Variants in FLACC1 observed in about 807,000 individuals in gnomAD.
The protein encoded by FLACC1 is flagellum associated containing coiled-coil domains 1.
In FLACC1, 66 loss-of-function variants were observed where a neutral mutation model predicts 62.8. That is an observed-to-expected ratio of 1.05 (90% CI 0.86 to 1.29). The LOEUF (loss-of-function observed/expected upper bound fraction) is 1.29. Ranked by LOEUF, FLACC1 falls within the 50% of genes most tolerant of loss-of-function variation. FLACC1 has a pLI of 0.00. For missense variants in FLACC1, 452 were observed against 489.1 expected (o/e 0.92, Z 0.71); for synonymous variants, 156 against 161.0 (o/e 0.97, Z 0.24).
At chr2:201,347,760 C>T (rs774234811) in intron 4 of FLACC1, among the ~76,000 whole-genome samples, 17 of 152,230 alleles carry the variant, frequency 1.1e-4, no homozygotes, top group Non-Finnish European at 2.4e-4. Flanking sequence ...GTGCCTGCGT[C>T]AGACCAGTAA....
chr2:201,336,934 T>A (rs985436506), intron 7 of FLACC1, among the ~76,000 whole-genome samples: 2 of 152,168 alleles, frequency 1.3e-5, no homozygotes, highest in African/African-American at 4.8e-5. Context: ...TATTCGTATG[T>A]CTTCTTTTAA....
chr2:201,351,552 T>C (rs893632724), intron 1 of FLACC1, 101 bp from the exon 2 acceptor site: 3 of 635,286 alleles, frequency 4.7e-6, no homozygotes, highest in African/African-American at 3.7e-5. Flanking sequence ...AGAACAATGG[T>C]AGATTCCAGA....
intron 9 of FLACC1, among the ~76,000 whole-genome samples, chr2:201,312,223 C>A (rs1322962358): frequency 6.6e-6 from 1 of 152,164 alleles, no homozygotes; most frequent in African/African-American, 2.4e-5. Context: ...TAAACAAGTT[C>A]AGTAAAGTTT....
chr2:201,341,050 T>C (rs1950797504), intron 7 of FLACC1, among the ~76,000 whole-genome samples: 2 of 152,236 alleles, frequency 1.3e-5, no homozygotes, highest in African/African-American at 4.8e-5. Flanking sequence ...TGATTTTTGA[T>C]AGTTTGATTA....
At chr2:201,349,900 C>G (rs1950991510) in intron 3 of FLACC1, among the ~76,000 whole-genome samples, 1 of 152,134 alleles carries the variant, frequency 6.6e-6, no homozygotes, top group African/African-American at 2.4e-5. Context: ...TTGAATCAAA[C>G]AATGCAATGA....
chr2:201,296,836 G>C (rs1382577917), intron 12 of FLACC1, among the ~76,000 whole-genome samples: 1 of 152,158 alleles, frequency 6.6e-6, no homozygotes, highest in Admixed American at 6.5e-5. Flanking sequence ...GTTTTAAGCA[G>C]AGAAGTGAAT....
chr2:201,298,955 T>C (rs546034057), intron 12 of FLACC1, among the ~76,000 whole-genome samples: 46 of 152,320 alleles, frequency 3.0e-4, no homozygotes, highest in African/African-American at 1.1e-3. Flanking sequence ...TCATTTGTGG[T>C]TTGAACCTTG....
chr2:201,360,125 G>A (rs545632362), upstream of FLACC1, among the ~76,000 whole-genome samples: 25 of 152,312 alleles, frequency 1.6e-4, no homozygotes, highest in South Asian at 5.2e-3. Context: ...AGCTTCGCCA[G>A]TTCCAAAACA....
At chr2:201,344,877 G>A (rs1950881642) in intron 5 of FLACC1, among the ~76,000 whole-genome samples, 1 of 152,170 alleles carries the variant, frequency 6.6e-6, no homozygotes, top group African/African-American at 2.4e-5. Context: ...AAGATGCTTT[G>A]ACCTCTTTGG....
At chr2:201,297,868 C>T (rs1559386517) in intron 12 of FLACC1, among the ~76,000 whole-genome samples, 1 of 152,100 alleles carries the variant, frequency 6.6e-6, no homozygotes, top group Non-Finnish European at 1.5e-5. Flanking sequence ...AATCGGGCAC[C>T]TTCTGAGAAG....
intron 9 of FLACC1, among the ~76,000 whole-genome samples, chr2:201,311,095 T>C (rs745850591): frequency 2.1e-4 from 32 of 151,238 alleles, no homozygotes; most frequent in Non-Finnish European, 4.0e-4. Context: ...CAAGAAGCAA[T>C]TGAAACCCCA....
In FLACC1 at chr2:201,289,719, T is replaced by G. The variant is rs898792053; in HGVS notation, c.1009A>C (p.Thr337Pro). The part of the protein sequence containing the change: ...LESLNTNLYY[T>P]QLELQKEKAI... The stretch of plus-strand genomic sequence containing the variant: ...ACCTCTTTCTGGAGTTCCAACTGGG[T>G]ATAGTAGAGGTTTGTGTTCAGTGAC... Residue 337 changes from threonine to proline, a missense_variant, in exon 13 of 15, where the codon ACC becomes CCC. Coordinates refer to ENST00000392257, the MANE Select transcript of FLACC1 (RefSeq NM_001127391.3). 6.2e-7 allele frequency: 1 copy of G among 1,614,084 alleles called. No individual in the cohort carries two copies. Among genetic ancestry groups the G allele is most frequent in the African/African-American group, 1.3e-5 (1 of 75,038 alleles).
chr2:201,296,208 C>T (rs550366341), intron 12 of FLACC1, among the ~76,000 whole-genome samples: 3 of 152,234 alleles, frequency 2.0e-5, no homozygotes, highest in Non-Finnish European at 2.9e-5. Context: ...AAGACACATG[C>T]ACACGTATGT....
chr2:201,339,473 T>C lies in FLACC1; in HGVS notation c.524+2897A>G, dbSNP rs555247691. On this transcript the variant is annotated intron_variant, in intron 7 of 14. Transcript: ENST00000392257. ...ACTAATTTTGGGCTTGGTTTTCCAA[T>C]TCCTTCAGGTGCATTATTAGATTGT... Among the ~76,000 whole-genome samples, 19 of 152,280 alleles carry C rather than the reference T, an allele frequency of 1.2e-4. No homozygotes were observed. The East Asian group carries it at 3.3e-3, about 26-fold the overall frequency.
intron 9 of FLACC1, among the ~76,000 whole-genome samples, chr2:201,325,585 C>G (rs1950486827): frequency 6.6e-6 from 1 of 151,954 alleles, no homozygotes; most frequent in Non-Finnish European, 1.5e-5. Flanking sequence ...TAGACAAATT[C>G]CTGGAAACGT....
rs564200891 is a variant in FLACC1, at chr2:201,298,167, C to T, written c.942+1071G>A. ...GTCCCACCAGGCAGAGTAGAAAATCCTTCTCATACAGAGGGTGTGGTGTCA... is the reference window on the plus strand; with the variant it reads ...GTCCCACCAGGCAGAGTAGAAAATCTTTCTCATACAGAGGGTGTGGTGTCA... On this transcript the variant is annotated intron_variant, in intron 12 of 14. Coordinates refer to ENST00000392257, the MANE Select transcript of FLACC1 (RefSeq NM_001127391.3). Among the ~76,000 whole-genome samples the T allele has an allele frequency of 2.6e-5, 4 of 152,246 alleles. No individual in the cohort carries two copies. In the East Asian group the frequency reaches 7.7e-4, roughly 29 times the overall value.
chr2:201,291,672 T>A (rs4312467), intron 12 of FLACC1, among the ~76,000 whole-genome samples: 15,861 of 152,256 alleles, frequency 0.1, 1,346 homozygotes, highest in South Asian at 0.26. Flanking sequence ...CAAAGCTGGA[T>A]GGAGAATGAC....
At chr2:201,295,872 C>T (rs1377363230) in intron 12 of FLACC1, among the ~76,000 whole-genome samples, 1 of 152,158 alleles carries the variant, frequency 6.6e-6, no homozygotes, top group Non-Finnish European at 1.5e-5. Flanking sequence ...AGACACTTCT[C>T]AAAAGAAGAC....
rs527488903 is a variant in FLACC1, at chr2:201,343,802, T to G, written c.462+368A>C. On this transcript the variant is annotated intron_variant, in intron 6 of 14. Transcript: ENST00000392257. ...CAGAGAGTAAGCCCTGCACATTAAGTGCGCTGGTGTCGTTAGTGAGAGCCT... is the reference window on the plus strand; with the variant it reads ...CAGAGAGTAAGCCCTGCACATTAAGGGCGCTGGTGTCGTTAGTGAGAGCCT... Among the ~76,000 whole-genome samples the G allele has an allele frequency of 4.6e-5, 7 of 152,330 alleles. No individual in the cohort carries two copies. In the South Asian group the frequency reaches 1.5e-3, roughly 32 times the overall value.
Sources: gnomAD v4.1 joint callset for allele counts (sites outside exome capture counted in the v4.1 genomes callset) on GRCh38, gnomAD v4.1.1 for gene constraint, MANE v1.5 for transcripts, NCBI Gene and HGNC (gene_info 2026-07-23, HGNC 2026-07-21) for gene names.